Variants in FBLN2 observed in about 807,000 individuals in gnomAD.
FBLN2 encodes fibulin 2, also known as fibulin-2.
A neutral mutation model predicts 123.7 loss-of-function variants in FBLN2; 81 were observed. That is an observed-to-expected ratio of 0.65 (90% confidence interval 0.55 to 0.79). The LOEUF (loss-of-function observed/expected upper bound fraction) is 0.79, where lower values mean the gene tolerates loss of function less well. Among genes scored for constraint, FBLN2 ranks in the 30% least tolerant of loss-of-function variants. The pLI, the probability that FBLN2 is intolerant of heterozygous loss-of-function variation, is 0.00. For synonymous variants in FBLN2, 699 were observed against 701.4 expected, an observed-to-expected ratio of 1.00 and a Z score of 0.05; for missense variants, 1,603 against 1,681.3, an observed-to-expected ratio of 0.95 and a Z score of 0.81.
intron 2 of FBLN2, among the ~76,000 whole-genome samples, chr3:13,597,575 C>T (rs146812310): frequency 2.8e-4 from 42 of 152,318 alleles, no homozygotes; most frequent in African/African-American, 9.4e-4. Context: ...TGGGTTATTG[C>T]ACGTGGTGGC....
intron 1 of FBLN2, among the ~76,000 whole-genome samples, chr3:13,550,889 A>G (rs977940190): frequency 1.3e-5 from 2 of 152,178 alleles, no homozygotes; most frequent in African/African-American, 4.8e-5. Context: ...TCACCATGTT[A>G]TTATTATTTT....
intron 1 of FBLN2, among the ~76,000 whole-genome samples, chr3:13,553,285 C>A (rs1184734848): frequency 6.6e-6 from 1 of 152,304 alleles, no homozygotes; most frequent in Non-Finnish European, 1.5e-5. Flanking sequence ...GTTGAAGGGT[C>A]CCTCTGCAGC....
chr3:13,581,736 A>C (rs1278073113), intron 2 of FBLN2, among the ~76,000 whole-genome samples: 2 of 151,966 alleles, frequency 1.3e-5, no homozygotes, highest in African/African-American at 4.8e-5. Flanking sequence ...CAAGCCCCAG[A>C]CCCCGTGCCA....
At chr3:13,585,828 C>T (rs375165064) in intron 2 of FBLN2, among the ~76,000 whole-genome samples, 4 of 152,132 alleles carry the variant, frequency 2.6e-5, no homozygotes, top group Admixed American at 6.5e-5. Flanking sequence ...AAGCCTAGCA[C>T]GTGTAGTTAG....
At chr3:13,608,547 C>T (rs558801629) in intron 3 of FBLN2, among the ~76,000 whole-genome samples, 1 of 152,358 alleles carries the variant, frequency 6.6e-6, no homozygotes, top group East Asian at 1.9e-4. Context: ...CTCCTCTGCC[C>T]TCTTCCTTTC....
chr3:13,626,803 G>C (rs1706057065), intron 10 of FBLN2, among the ~76,000 whole-genome samples: 1 of 152,194 alleles, frequency 6.6e-6, no homozygotes, highest in East Asian at 1.9e-4. Flanking sequence ...GAGGCAGGGT[G>C]AGGGCAGGCT....
chr3:13,562,346 A>G (rs1574944104), intron 1 of FBLN2, among the ~76,000 whole-genome samples: 2 of 148,354 alleles, frequency 1.3e-5, no homozygotes, highest in African/African-American at 5.0e-5. Flanking sequence ...TATACGTAAC[A>G]TGAAGTTTAC....
At chr3:13,589,739 C>A (rs1351074297) in intron 2 of FBLN2, among the ~76,000 whole-genome samples, 2 of 152,190 alleles carry the variant, frequency 1.3e-5, no homozygotes, top group Admixed American at 1.3e-4. Flanking sequence ...TCTAATACTC[C>A]AACTATATTA....
intron 2 of FBLN2, among the ~76,000 whole-genome samples, chr3:13,584,855 G>A (rs1704448037): frequency 6.6e-6 from 1 of 152,368 alleles, no homozygotes; most frequent in Non-Finnish European, 1.5e-5. Flanking sequence ...TCACACGGGA[G>A]GAGTTAGAGT....
rs755266117 is a variant in FBLN2, at chr3:13,571,372, C to G, written c.1017C>G (p.Asn339Lys). 1 of 1,612,786 alleles carries G rather than the reference C, an allele frequency of 6.2e-7. No homozygotes were observed. ...AAGCTGGGGCAAGGCCTGAAGAGAA[C>G]CTCATCCTGGATGCCCAAGCCACGT... ...RAEAGARPEE[N>K]LILDAQATSR... Residue 339 changes from asparagine to lysine, a missense_variant, in exon 2 of 18, where the codon AAC (asparagine) becomes AAG (lysine). Physicochemically the swap from Asn to Lys is moderately conservative, Grantham distance 94 (BLOSUM62 0). Transcript: ENST00000404922.
intron 1 of FBLN2, among the ~76,000 whole-genome samples, chr3:13,557,795 A>T (rs1398799806): frequency 6.6e-6 from 1 of 152,244 alleles, no homozygotes; most frequent in African/African-American, 2.4e-5. Context: ...GATTAGACCC[A>T]CTGTGCAGAT....
intron 2 of FBLN2, among the ~76,000 whole-genome samples, chr3:13,581,601 G>C (rs1275345406): frequency 2.0e-5 from 3 of 152,186 alleles, no homozygotes; most frequent in African/African-American, 7.2e-5. Flanking sequence ...AGCCAGTCAA[G>C]AGGCCAGCCC....
chr3:13,563,762 T>C (rs540522108), intron 1 of FBLN2, among the ~76,000 whole-genome samples: 91 of 152,252 alleles, frequency 6.0e-4, no homozygotes, highest in African/African-American at 2.2e-3. Context: ...CTAGAGGTGG[T>C]CTCCTTGGAA....
At chr3:13,612,845 G>A (rs1365216561) in intron 4 of FBLN2, among the ~76,000 whole-genome samples, 1 of 152,222 alleles carries the variant, frequency 6.6e-6, no homozygotes, top group Non-Finnish European at 1.5e-5. Context: ...CAAGAATAGA[G>A]TATCAGTTAG....
chr3:13,626,418 C>A, intron 9 of FBLN2, 27 bp from the exon 10 acceptor site: 1 of 1,549,830 alleles, frequency 6.5e-7, no homozygotes, highest in Non-Finnish European at 8.8e-7. Flanking sequence ...GACTCTGCAG[C>A]CTCTGATGGC....
intron 3 of FBLN2, among the ~76,000 whole-genome samples, chr3:13,608,829 G>A (rs532606875): frequency 1.3e-5 from 2 of 152,332 alleles, no homozygotes; most frequent in Admixed American, 6.5e-5. Flanking sequence ...CTCACTGGCA[G>A]CATGGCTGGG....
chr3:13,609,814 C>T (rs1705331520), intron 4 of FBLN2, among the ~76,000 whole-genome samples, 172 bp downstream of exon 4: 1 of 152,216 alleles, frequency 6.6e-6, no homozygotes, highest in Non-Finnish European at 1.5e-5. Context: ...AAAACATCAT[C>T]AGTTATTATA....
chr3:13,630,003 G>T, intron 14 of FBLN2, 58 bp downstream of exon 14: 1 of 1,591,348 alleles, frequency 6.3e-7, no homozygotes, highest in Non-Finnish European at 8.5e-7. Context: ...GGGCAGACCC[G>T]CCGTGGAAGG....
At chr3:13,630,892 G>C (rs3773258) in intron 15 of FBLN2, 77 bp downstream of exon 15, 250,614 of 1,107,646 alleles carry the variant, frequency 0.23, 31,601 homozygotes, top group African/African-American at 0.42. Flanking sequence ...GAGAGTCCCT[G>C]CTGGGCCATG....
Sources: gnomAD v4.1 joint callset for allele counts (sites outside exome capture counted in the v4.1 genomes callset) on GRCh38, gnomAD v4.1.1 for gene constraint, MANE v1.5 for transcripts, NCBI Gene and HGNC (gene_info 2026-07-23, HGNC 2026-07-21) for gene names.